Variants in ATG7 observed in about 807,000 individuals in gnomAD.
ATG7 encodes ubiquitin-like modifier-activating enzyme ATG7.
Under a neutral mutation model 82.4 loss-of-function variants are expected in ATG7, and 70 were observed. The observed-to-expected ratio is 0.85, with a 90% CI of 0.70 to 1.04. ATG7 has a LOEUF of 1.04. ATG7 is among the 50% of genes least tolerant of loss of function. ATG7 has a pLI of 0.00. For synonymous variants in ATG7, 287 were observed against 313.0 expected, an observed-to-expected ratio of 0.92 and a Z score of 0.88; for missense variants, 792 against 864.3, an observed-to-expected ratio of 0.92 and a Z score of 1.05.
intron 9 of ATG7, among the ~76,000 whole-genome samples, chr3:11,320,082 T>A (rs575647243): frequency 3.9e-4 from 59 of 152,228 alleles, no homozygotes; most frequent in Non-Finnish European, 6.8e-4. Context: ...CAGCCCCAAG[T>A]CATTCCGTGT....
the ATG7 span, among the ~76,000 whole-genome samples, chr3:11,573,928 C>T: frequency 6.6e-6 from 1 of 152,128 alleles, no homozygotes; most frequent in Non-Finnish European, 1.5e-5. Flanking sequence ...TTAGAAAACA[C>T]TGGAAATCTG....
chr3:11,338,140 T>C (rs780267985), intron 11 of ATG7, among the ~76,000 whole-genome samples: 4 of 152,162 alleles, frequency 2.6e-5, no homozygotes, highest in Non-Finnish European at 5.9e-5. Context: ...CCCCAGTGTC[T>C]GCTGTTCCCC....
chr3:11,411,568 C>A (rs543439416), intron 19 of ATG7, among the ~76,000 whole-genome samples: 1 of 138,354 alleles, frequency 7.2e-6, no homozygotes, highest in Non-Finnish European at 1.5e-5. Context: ...TGCAGTGAGC[C>A]GAGATCACGC....
intron 20 of ATG7, among the ~76,000 whole-genome samples, chr3:11,536,685 G>A (rs1559812961): frequency 6.6e-6 from 1 of 152,096 alleles, no homozygotes; most frequent in Non-Finnish European, 1.5e-5. Context: ...GGTGCGGAAC[G>A]AACCTGCTGC....
chr3:11,434,814 A>G (rs1490712251), intron 20 of ATG7, among the ~76,000 whole-genome samples: 1 of 152,224 alleles, frequency 6.6e-6, no homozygotes, highest in Non-Finnish European at 1.5e-5. Context: ...AAGGGGGGAA[A>G]TCATAAATGC....
intron 19 of ATG7, among the ~76,000 whole-genome samples, chr3:11,414,091 A>T (rs2081157666): frequency 1.3e-5 from 2 of 152,148 alleles, no homozygotes; most frequent in African/African-American, 4.8e-5. Context: ...TGTTTTTGAC[A>T]TGGAGTCTTG....
chr3:11,431,954 A>G (rs1399110180), intron 20 of ATG7, among the ~76,000 whole-genome samples: 1 of 152,130 alleles, frequency 6.6e-6, no homozygotes, highest in Non-Finnish European at 1.5e-5. Flanking sequence ...AATTTTTTGC[A>G]CTCATCCCCT....
the ATG7 span, among the ~76,000 whole-genome samples, chr3:11,573,443 G>A: frequency 2.6e-5 from 4 of 152,184 alleles, no homozygotes; most frequent in African/African-American, 9.7e-5. Flanking sequence ...TCCTGGTGCT[G>A]GGGACAGGGC....
chr3:11,441,149 C>T lies in ATG7; in HGVS notation c.2079+14223C>T, dbSNP rs184953526. Among the ~76,000 whole-genome samples, 446 of 152,332 alleles carry T rather than the reference C, an allele frequency of 2.9e-3. 2 individuals carry two copies. The highest frequency in any genetic ancestry group is 5.1e-3 in the Non-Finnish European group (345 of 68,026). On this transcript the variant is annotated intron_variant, in intron 20 of 20. Coordinates refer to ENST00000693202, the MANE Select transcript of ATG7 (RefSeq NM_001349232.2). ...TAATTTGCTGCTAGCTTTCAAGCAT[C>T]TGTGTTTATCCTACCTTAATCCTCT...
intron 20 of ATG7, among the ~76,000 whole-genome samples, chr3:11,500,050 C>T (rs899275335): frequency 1.3e-5 from 2 of 152,198 alleles, no homozygotes; most frequent in Admixed American, 6.5e-5. Flanking sequence ...TCCATTTTAA[C>T]ATCTTCTGGG....
intron 14 of ATG7, among the ~76,000 whole-genome samples, chr3:11,353,424 C>G (rs2075710981): frequency 6.6e-6 from 1 of 152,062 alleles, no homozygotes; most frequent in Non-Finnish European, 1.5e-5. Context: ...AGCCTGGCGA[C>G]AGAGTGAGAC....
At chr3:11,544,357 GCCC>G in intron 20 of ATG7, among the ~76,000 whole-genome samples, 1 of 152,268 alleles carries the variant, frequency 6.6e-6, no homozygotes. Context: ...AACCCGTGAG[GCCC>G]CCCATCTGCA....
chr3:11,293,479 C>T (rs574094316), intron 3 of ATG7, among the ~76,000 whole-genome samples: 6 of 144,770 alleles, frequency 4.1e-5, no homozygotes, highest in African/African-American at 1.3e-4. Context: ...TGAAGTGAGC[C>T]GAGATCGTGC....
chr3:11,542,574 G>A (rs2070922000), intron 20 of ATG7, among the ~76,000 whole-genome samples: 1 of 152,154 alleles, frequency 6.6e-6, no homozygotes, highest in African/African-American at 2.4e-5. Flanking sequence ...TCTCACCTGG[G>A]TCCCTGGAGA....
At chr3:11,300,028 T>G (rs1946539864) in intron 5 of ATG7, among the ~76,000 whole-genome samples, 1 of 151,938 alleles carries the variant, frequency 6.6e-6, no homozygotes. Flanking sequence ...GAGTTCAAGC[T>G]TTTCTCGTGC....
intron 19 of ATG7, among the ~76,000 whole-genome samples, chr3:11,424,703 T>C (rs114440748): frequency 0.013 from 1,946 of 152,244 alleles, 42 homozygotes; most frequent in African/African-American, 0.042. Flanking sequence ...TAAAGTAGTA[T>C]AAAATAATCT....
chr3:11,515,136 G>A lies in ATG7; in HGVS notation c.2080-39675G>A, dbSNP rs539655496. Among the ~76,000 whole-genome samples, 5 of 152,232 alleles carry A rather than the reference G, an allele frequency of 3.3e-5. No individual in the cohort carries two copies. In the South Asian group the frequency reaches 1.0e-3, roughly 32 times the overall value. ...TTACAGGCATGAGCCACCGCGCCTGGCCTAGGTTTTAAAATGCTTCGTTCC... is the reference window on the plus strand; with the variant it reads ...TTACAGGCATGAGCCACCGCGCCTGACCTAGGTTTTAAAATGCTTCGTTCC... On this transcript the variant is annotated intron_variant, in intron 20 of 20. Coordinates refer to ENST00000693202, the MANE Select transcript of ATG7 (RefSeq NM_001349232.2).
chr3:11,432,217 T>C (rs1019714071), intron 20 of ATG7, among the ~76,000 whole-genome samples: 1 of 152,042 alleles, frequency 6.6e-6, no homozygotes, highest in Non-Finnish European at 1.5e-5. Context: ...GGGATGGAGA[T>C]GGAGCTTGGA....
chr3:11,510,949 C>A (rs972807577), intron 20 of ATG7, among the ~76,000 whole-genome samples: 1 of 152,084 alleles, frequency 6.6e-6, no homozygotes, highest in African/African-American at 2.4e-5. Flanking sequence ...GTGAGTGTTA[C>A]AGCTCTTAAG....
Sources: allele counts gnomAD v4.1 joint callset (sites outside exome capture counted in the v4.1 genomes callset), GRCh38; gene constraint gnomAD v4.1.1; transcripts MANE v1.5; gene names NCBI Gene and HGNC (gene_info 2026-07-23, HGNC 2026-07-21).